Variants in RPTOR observed in about 807,000 individuals in gnomAD.
RPTOR encodes regulatory associated protein of MTOR complex 1, also known as regulatory-associated protein of mTOR.
RPTOR carries 21 observed loss-of-function variants against 169.9 expected under a neutral mutation model. The observed-to-expected ratio is 0.12, with a 90% CI of 0.09 to 0.18. The LOEUF is 0.18. RPTOR is among the 10% of genes least tolerant of loss of function. The pLI is 1.00. For missense variants in RPTOR, 1,133 were observed against 1,855.9 expected (o/e 0.61, Z 7.16); for synonymous variants, 732 against 753.2 (o/e 0.97, Z 0.46).
chr17:80,782,828 A>C (rs2066955149), intron 6 of RPTOR, among the ~76,000 whole-genome samples: 1 of 152,212 alleles, frequency 6.6e-6, no homozygotes, highest in Non-Finnish European at 1.5e-5. Flanking sequence ...GTCGGTATGT[A>C]GTATAAACAC....
chr17:80,948,993 G>T (rs2144063636), intron 27 of RPTOR, among the ~76,000 whole-genome samples: 1 of 152,288 alleles, frequency 6.6e-6, no homozygotes, highest in South Asian at 2.1e-4. Flanking sequence ...GGAGGGTGCT[G>T]GTGTCCTCTG....
At chr17:80,554,415 C>T (rs2084380859) in intron 1 of RPTOR, among the ~76,000 whole-genome samples, 1 of 152,030 alleles carries the variant, frequency 6.6e-6, no homozygotes, top group South Asian at 2.1e-4. Flanking sequence ...TCAACCAAAA[C>T]AGTGTATTTC....
chr17:80,914,141 G>A (rs1016814057), intron 21 of RPTOR, among the ~76,000 whole-genome samples: 8 of 152,254 alleles, frequency 5.3e-5, no homozygotes, highest in Non-Finnish European at 1.0e-4. Flanking sequence ...CAGCCAGTCT[G>A]GGAGCGGCCA....
At chr17:80,924,636 C>A (rs565817998) in intron 23 of RPTOR, among the ~76,000 whole-genome samples, 117 of 151,564 alleles carry the variant, frequency 7.7e-4, no homozygotes, top group Non-Finnish European at 1.5e-3. Flanking sequence ...GCAATGCTAC[C>A]GGCACGTGCA....
At chr17:80,955,480 C>T (rs535830653) in intron 28 of RPTOR, among the ~76,000 whole-genome samples, 6 of 152,172 alleles carry the variant, frequency 3.9e-5, no homozygotes, top group Non-Finnish European at 5.9e-5. Context: ...AAGAGGAAAT[C>T]TTCCTAACAG....
At chr17:80,627,891 T>C (rs1599613904) in intron 2 of RPTOR, among the ~76,000 whole-genome samples, 1 of 150,254 alleles carries the variant, frequency 6.7e-6, no homozygotes, top group Non-Finnish European at 1.5e-5. Flanking sequence ...AGGCTGGGAG[T>C]GCAATGGCAC....
chr17:80,907,163 G>A (rs1031855684), intron 20 of RPTOR, among the ~76,000 whole-genome samples: 17 of 152,208 alleles, frequency 1.1e-4, no homozygotes, highest in South Asian at 4.1e-4. Flanking sequence ...ACTGGCTTTC[G>A]ATGCTTCAGC....
Position 80,834,973 on chromosome 17 carries a change from A to G in RPTOR, c.1137-2949A>G, listed in dbSNP as rs553705638. On this transcript the variant is annotated intron_variant, in intron 9 of 33. Coordinates refer to ENST00000306801, the MANE Select transcript of RPTOR (RefSeq NM_020761.3). ...ATTCGAGGAATCTTTATAGAGTTTA[A>G]TTGCAATAATTGACTTTGCTTCTGT... 3.5e-3 allele frequency among the ~76,000 whole-genome samples: 536 copies of G among 152,362 alleles called. 4 individuals carry two copies. Among genetic ancestry groups the G allele is most frequent in the African/African-American group, 0.013 (520 of 41,582 alleles).
At position 80,920,364 on chromosome 17, in the gene RPTOR, T is replaced by TG. The variant is rs565569808; in HGVS notation, c.2521-2352dup. Among the ~76,000 whole-genome samples, 641 of 151,130 alleles carry TG rather than the reference T, an allele frequency of 4.2e-3. 9 individuals are homozygous for TG. The highest frequency in any genetic ancestry group is 0.029 in the Admixed American group (438 of 15,188). ...CCTGTGGTCACTACACTAATGGGGG[T>TG]GGGGGGGGCTCCTGATCCAGGTGTG... On this transcript the variant is annotated intron_variant, in intron 21 of 33. Transcript: ENST00000306801.
chr17:80,571,514 A>G (rs1003962151), intron 1 of RPTOR, among the ~76,000 whole-genome samples: 9 of 152,120 alleles, frequency 5.9e-5, no homozygotes, highest in African/African-American at 2.2e-4. Context: ...TTTGTTGGCA[A>G]TAATTATCTC....
intron 6 of RPTOR, among the ~76,000 whole-genome samples, chr17:80,757,713 T>A (rs1007605250): frequency 4.6e-5 from 7 of 152,078 alleles, no homozygotes; most frequent in African/African-American, 1.7e-4. Flanking sequence ...CCTGAAACAT[T>A]TATCTTTTCT....
chr17:80,683,410 A>G (rs908753041), intron 3 of RPTOR, among the ~76,000 whole-genome samples: 3 of 152,146 alleles, frequency 2.0e-5, no homozygotes, highest in African/African-American at 7.2e-5. Context: ...ATGATTGGCC[A>G]TACTCATTTT....
intron 1 of RPTOR, among the ~76,000 whole-genome samples, chr17:80,616,298 C>CTT (rs201229448): frequency 0.027 from 3,026 of 113,122 alleles, 414 homozygotes; most frequent in African/African-American, 0.1. Context: ...AATTGAAAAT[C>CTT]TTTTTTTTTT....
chr17:80,870,451 T>C (rs958973577), intron 13 of RPTOR, among the ~76,000 whole-genome samples: 1 of 152,228 alleles, frequency 6.6e-6, no homozygotes, highest in African/African-American at 2.4e-5. Context: ...CCACAGTTCG[T>C]GTATGCTGGC....
intron 10 of RPTOR, among the ~76,000 whole-genome samples, chr17:80,838,370 G>T (rs532276173): frequency 6.6e-6 from 1 of 152,134 alleles, no homozygotes; most frequent in Non-Finnish European, 1.5e-5. Context: ...AGTGACCCAC[G>T]GGGGGTTTGG....
At chr17:80,909,014 G>A in intron 21 of RPTOR, 85 bp downstream of exon 21, 1 of 900,046 alleles carries the variant, frequency 1.1e-6, no homozygotes, top group Non-Finnish European at 1.8e-6. Context: ...GTGTGCCCGG[G>A]TCCACACCAC....
intron 3 of RPTOR, among the ~76,000 whole-genome samples, chr17:80,690,887 C>G (rs939763577): frequency 2.6e-5 from 4 of 152,142 alleles, no homozygotes; most frequent in Non-Finnish European, 4.4e-5. Flanking sequence ...CTCAAATTCT[C>G]GGGCCCAAGT....
In RPTOR at chr17:80,818,612, G is replaced by A. The variant is rs184630923; in HGVS notation, c.891-3589G>A. Among the ~76,000 whole-genome samples, 227 of 152,314 alleles carry A rather than the reference G, an allele frequency of 1.5e-3. 1 individual carries two copies. Among genetic ancestry groups the A allele is most frequent in the Middle Eastern group, 0.01 (3 of 294 alleles). ...ACCCCCAGTAGGACCAGGCCTGCTG[G>A]ATCAAGAAGCCTCATCAGCTTTTGC... On this transcript the variant is annotated intron_variant, in intron 7 of 33. Transcript: ENST00000306801.
chr17:80,910,812 T>G (rs2068603148), intron 21 of RPTOR, among the ~76,000 whole-genome samples: 1 of 151,676 alleles, frequency 6.6e-6, no homozygotes, highest in South Asian at 2.1e-4. Flanking sequence ...GGAAATCACC[T>G]TACCGTCTGC....
Sources: allele counts gnomAD v4.1 joint callset (sites outside exome capture counted in the v4.1 genomes callset), GRCh38; gene constraint gnomAD v4.1.1; transcripts MANE v1.5; gene names NCBI Gene and HGNC (gene_info 2026-07-23, HGNC 2026-07-21).